The following LARS2 variants were observed in gnomAD, a reference collection of about 807,000 sequenced individuals.
LARS2 encodes the protein leucine--tRNA ligase, mitochondrial.
A neutral mutation model predicts 116.6 loss-of-function variants in LARS2; 81 were observed. The observed-to-expected ratio is 0.69, with a 90% confidence interval of 0.58 to 0.84. LARS2 has a LOEUF of 0.84. Among genes scored for constraint, LARS2 ranks in the 40% least tolerant of loss-of-function variants. LARS2 has a pLI of 0.00. For synonymous variants in LARS2, 396 were observed against 407.2 expected (o/e 0.97, Z 0.33); for missense variants, 968 against 1,114.5 (o/e 0.87, Z 1.87).
intron 8 of LARS2, among the ~76,000 whole-genome samples, chr3:45,473,164 G>A (rs1008644876): frequency 5.9e-5 from 9 of 152,270 alleles, no homozygotes; most frequent in South Asian, 2.1e-4. Context: ...TTCAGATCAG[G>A]AGCACTGTGG....
At chr3:45,529,037 T>C (rs966816843) in intron 20 of LARS2, among the ~76,000 whole-genome samples, 1 of 151,948 alleles carries the variant, frequency 6.6e-6, no homozygotes, top group Non-Finnish European at 1.5e-5. Context: ...CCTGGCTAAT[T>C]TTTGTATTTT....
intron 8 of LARS2, among the ~76,000 whole-genome samples, chr3:45,464,110 T>C (rs1455966603): frequency 1.3e-5 from 2 of 152,188 alleles, no homozygotes; most frequent in East Asian, 3.9e-4. Context: ...CCTGTCCTCC[T>C]GATTTCACCT....
intron 4 of LARS2, among the ~76,000 whole-genome samples, chr3:45,402,352 G>C (rs1698168073): frequency 6.6e-6 from 1 of 152,178 alleles, no homozygotes; most frequent in Non-Finnish European, 1.5e-5. Flanking sequence ...GTGTTTATTA[G>C]TCACCTTGGC....
At chr3:45,389,546 T>G (rs1164350192) in intron 1 of LARS2, among the ~76,000 whole-genome samples, 3 of 152,230 alleles carry the variant, frequency 2.0e-5, no homozygotes, top group Non-Finnish European at 4.4e-5. Flanking sequence ...GGGCCCTTCC[T>G]ATTCTCAAAA....
intron 3 of LARS2, among the ~76,000 whole-genome samples, chr3:45,395,578 A>G (rs1370741691): frequency 2.0e-5 from 3 of 152,250 alleles, no homozygotes; most frequent in African/African-American, 7.2e-5. Context: ...TGTAGTAGTT[A>G]TAGTCAAATA....
chr3:45,416,335 G>GGA (rs141164137), intron 4 of LARS2, among the ~76,000 whole-genome samples: 9 of 150,210 alleles, frequency 6.0e-5, no homozygotes, highest in Non-Finnish European at 1.2e-4. Context: ...CTCAATCAGG[G>GGA]GAGAGAGAGA....
Position 45,500,453 on chromosome 3 carries a change from C to A in LARS2, c.1634C>A (p.Thr545Lys). ...TCTCTTTTTTACAGCCCTTTTAACA[C>A]AGCAGTGGCCGATTACTGGATGCCT... is the stretch of plus-strand genomic sequence containing the variant. ...DPHNPHSPFNTAVADYWMPVD... is the reference protein window; with the variant it reads ...DPHNPHSPFNKAVADYWMPVD... The change falls in exon 15 of 22, where the codon ACA (threonine) becomes AAA (lysine). Residue 545 changes from threonine to lysine, a missense_variant. Transcript: ENST00000645846. 1.9e-6 allele frequency: 3 copies of A among 1,604,214 alleles called. No individual in the cohort carries two copies. The highest frequency in any genetic ancestry group is 2.5e-6 in the Non-Finnish European group (3 of 1,177,152).
At chr3:45,435,001 G>A (rs1698775874) in intron 6 of LARS2, among the ~76,000 whole-genome samples, 1 of 152,170 alleles carries the variant, frequency 6.6e-6, no homozygotes, top group South Asian at 2.1e-4. Context: ...TTTATCTGCA[G>A]CATCCTTTGA....
At chr3:45,395,062 A>G (rs945744552) in intron 3 of LARS2, among the ~76,000 whole-genome samples, 3 of 152,210 alleles carry the variant, frequency 2.0e-5, no homozygotes, top group Admixed American at 6.5e-5. Context: ...CTACCAGATG[A>G]TGGGTCCTTT....
rs146077813 is a variant in LARS2 at position 45,527,052 on chromosome 3, C to G, written c.2404+2944C>G. Among the ~76,000 whole-genome samples, 329 of 152,168 alleles carry G rather than the reference C, an allele frequency of 2.2e-3. 2 individuals are homozygous for G. The highest frequency in any genetic ancestry group is 3.6e-3 in the Non-Finnish European group (246 of 67,992). On this transcript the variant is annotated intron_variant, in intron 20 of 21. Coordinates refer to ENST00000645846, the MANE Select transcript of LARS2 (RefSeq NM_015340.4). ...ATGCACTGTTTCTGAGTCAAAGGTT[C>G]CAGTCAAAGGTAGTGAGAGTCTCAG... is the stretch of plus-strand genomic sequence containing the variant.
At chr3:45,457,229 G>A (rs75194852) in intron 7 of LARS2, among the ~76,000 whole-genome samples, 1,819 of 152,344 alleles carry the variant, frequency 0.012, 30 homozygotes, top group African/African-American at 0.041. Flanking sequence ...GAAGCAGCCA[G>A]TGTGCCTGTC....
Position 45,496,380 on chromosome 3 carries a change from C to A in LARS2, c.1622+7C>A, listed in dbSNP as rs770655297. 1 of 1,600,794 alleles carries A rather than the reference C, an allele frequency of 6.2e-7. No homozygotes were observed. Among genetic ancestry groups the A allele is most frequent in the East Asian group, 2.2e-5 (1 of 44,806 alleles). Reference sequence around the variant, plus strand: ...ACCCTCATAATCCACACAGGTAAAACGTCCCTGCTGATGTCTTTGAGCATT... The same window carrying A: ...ACCCTCATAATCCACACAGGTAAAAAGTCCCTGCTGATGTCTTTGAGCATT... On this transcript the variant is annotated splice_region_variant and intron_variant, in intron 14 of 21. Coordinates refer to ENST00000645846, the MANE Select transcript of LARS2 (RefSeq NM_015340.4).
chr3:45,391,415 G>C (rs1334775525), intron 1 of LARS2, among the ~76,000 whole-genome samples, 168 bp from the exon 2 acceptor site: 1 of 151,436 alleles, frequency 6.6e-6, no homozygotes, highest in Non-Finnish European at 1.5e-5. Context: ...AACCCGGGAG[G>C]CGGAGGTTGC....
intron 10 of LARS2, among the ~76,000 whole-genome samples, chr3:45,484,618 A>ATATATAT (rs1223081345): frequency 1.4e-3 from 20 of 13,902 alleles, no homozygotes; most frequent in East Asian, 3.9e-3. Flanking sequence ...AAAAAAAAAA[A>ATATATAT]AAAAAAAAAA....
At chr3:45,402,586 G>C in intron 4 of LARS2, among the ~76,000 whole-genome samples, 1 of 152,100 alleles carries the variant, frequency 6.6e-6, no homozygotes, top group African/African-American at 2.4e-5. Context: ...GTCATAACTG[G>C]TTTGAAATTT....
intron 6 of LARS2, among the ~76,000 whole-genome samples, chr3:45,439,544 C>T (rs904592037): frequency 7.9e-5 from 12 of 151,872 alleles, no homozygotes; most frequent in African/African-American, 2.9e-4. Context: ...AAACAGCTGG[C>T]CATTGAGCAC....
chr3:45,484,698 G>A (rs1271892197), intron 10 of LARS2, among the ~76,000 whole-genome samples: 1 of 126,698 alleles, frequency 7.9e-6, no homozygotes, highest in Admixed American at 8.8e-5. Context: ...TAGAATTATT[G>A]TATTGTAACA....
chr3:45,429,082 C>A (rs1336695467), intron 6 of LARS2, among the ~76,000 whole-genome samples: 1 of 110,710 alleles, frequency 9.0e-6, no homozygotes, highest in Non-Finnish European at 2.2e-5. Context: ...CCAAGAATGT[C>A]TTTTATAGTT....
intron 10 of LARS2, among the ~76,000 whole-genome samples, chr3:45,482,169 G>A (rs180738633): frequency 2.0e-5 from 3 of 152,234 alleles, no homozygotes; most frequent in East Asian, 3.9e-4. Flanking sequence ...AAACATTTCT[G>A]TGTTTTCATG....
Sources: allele counts gnomAD v4.1 joint callset (sites outside exome capture counted in the v4.1 genomes callset), GRCh38; gene constraint gnomAD v4.1.1; transcripts MANE v1.5; gene names NCBI Gene and HGNC (gene_info 2026-07-23, HGNC 2026-07-21).